Variants in CORO7 observed in about 807,000 individuals in gnomAD.
The protein encoded by CORO7 is coronin-7.
A neutral mutation model predicts 126.6 loss-of-function variants in CORO7; 107 were observed. The ratio of observed to expected loss-of-function variants is 0.85; its 90% CI spans 0.72 to 0.99. The LOEUF (loss-of-function observed/expected upper bound fraction) is 0.99, where lower values mean the gene tolerates loss of function less well. CORO7 is among the 50% of genes least tolerant of loss of function. The pLI is 0.00. For missense variants in CORO7, 1,314 were observed against 1,255.8 expected (o/e 1.05, Z -0.70); for synonymous variants, 603 against 536.8 (o/e 1.12, Z -1.70).
At chr16:4,399,198 C>T (rs2055711632) in intron 6 of CORO7, among the ~76,000 whole-genome samples, 1 of 152,198 alleles carries the variant, frequency 6.6e-6, no homozygotes, top group African/African-American at 2.4e-5. Flanking sequence ...ATGTTCATAG[C>T]AGCACTACTC....
chr16:4,355,699 G>A (rs1314950933), intron 26 of CORO7: 1 of 265,118 alleles, frequency 3.8e-6, no homozygotes, highest in Non-Finnish European at 7.4e-6. Context: ...TCGATCTCCT[G>A]ACCTCGTGAT....
At chr16:4,376,224 G>A (rs1280653701) in intron 9 of CORO7, among the ~76,000 whole-genome samples, 2 of 152,198 alleles carry the variant, frequency 1.3e-5, no homozygotes, top group African/African-American at 4.8e-5. Flanking sequence ...AGGAAGGGGA[G>A]ACGGGGCGGA....
Position 4,362,568 on chromosome 16 carries a change from A to G in CORO7, c.1402+44T>C. ...GAGGATGACGGGGAGTGGGGCAGAC[A>G]GGGCTCCTGCGGTAGGGGTGAGCTC... On this transcript the variant is annotated intron_variant, in intron 15 of 27. Transcript: ENST00000251166. The surrounding 1 kb of genome is among the most constrained non-coding windows in gnomAD (Gnocchi z 5.3). 1 of 1,501,988 alleles carries G rather than the reference A, an allele frequency of 6.7e-7. No homozygotes were observed. 93.0% of individuals were successfully genotyped at this position (1,501,988 alleles called of 1,614,324 possible). A position where few individuals can be genotyped will look rare whatever the true frequency, so the allele number is the denominator to read the frequency against.
At chr16:4,390,163 G>T (rs544932675) in intron 7 of CORO7, among the ~76,000 whole-genome samples, 1 of 152,184 alleles carries the variant, frequency 6.6e-6, no homozygotes, top group African/African-American at 2.4e-5. Context: ...TGGGGGAGCC[G>T]CACGGTGTTA....
chr16:4,368,420 G>A (rs1206337050), intron 9 of CORO7, among the ~76,000 whole-genome samples: 4 of 151,952 alleles, frequency 2.6e-5, no homozygotes, highest in African/African-American at 9.7e-5. Context: ...GGCTGAGGCA[G>A]GAGGGTCACT....
At chr16:4,374,680 C>T (rs529834867) in intron 9 of CORO7, among the ~76,000 whole-genome samples, 1 of 152,208 alleles carries the variant, frequency 6.6e-6, no homozygotes, top group Admixed American at 6.5e-5. Flanking sequence ...CTGAATCCAT[C>T]CCGCCTGCCC....
intron 21 of CORO7, 53 bp from the exon 22 acceptor site, chr16:4,359,674 G>A (rs779222548): frequency 6.5e-7 from 1 of 1,540,264 alleles, no homozygotes; most frequent in Non-Finnish European, 8.7e-7. Flanking sequence ...AAGGGGCCTG[G>A]GGCAGGGAGA....
intron 26 of CORO7, 183 bp from the exon 27 acceptor site, chr16:4,355,555 G>A: frequency 1.6e-6 from 1 of 640,852 alleles, no homozygotes; most frequent in Non-Finnish European, 2.7e-6. Context: ...TGCAAGCTCT[G>A]CCTCCCGGGT....
intron 9 of CORO7, among the ~76,000 whole-genome samples, chr16:4,370,971 G>A (rs980108984): frequency 2.0e-5 from 3 of 152,242 alleles, no homozygotes; most frequent in African/African-American, 4.8e-5. Context: ...AGGGGGAGGA[G>A]GGCAGAGTGT....
At position 4,366,069 on chromosome 16, in the gene CORO7, C is replaced by T. The variant is rs890322360; in HGVS notation, c.786-524G>A. 1.2e-4 allele frequency among the ~76,000 whole-genome samples: 18 copies of T among 152,204 alleles called. 1 individual carries two copies. The highest frequency in any genetic ancestry group is 2.9e-5 in the Non-Finnish European group (2 of 68,030). On this transcript the variant is annotated intron_variant, in intron 9 of 27. Transcript: ENST00000251166. ...CTCAGTTACCCCACGTTTCCTGTGCCTCAGTGATATCTTGGAAGCTCAGAG... is the reference window on the plus strand; with the variant it reads ...CTCAGTTACCCCACGTTTCCTGTGCTTCAGTGATATCTTGGAAGCTCAGAG...
At chr16:4,355,621 A>C in intron 26 of CORO7, 1 of 465,038 alleles carries the variant, frequency 2.2e-6, no homozygotes, top group Non-Finnish European at 3.9e-6. Flanking sequence ...GGCGCCCACC[A>C]CCATGCCCGG....
chr16:4,372,121 A>G (rs886858), intron 9 of CORO7: 117,213 of 151,490 alleles, frequency 0.77, 45,593 homozygotes, highest in East Asian at 0.81. Context: ...CCCCAGCCCC[A>G]CACGGTCACC....
chr16:4,362,311 C>A lies in CORO7; in HGVS notation c.1403-151G>T. 1 of 1,208,600 alleles carries A rather than the reference C, an allele frequency of 8.3e-7. No individual in the cohort carries two copies. Among genetic ancestry groups the A allele is most frequent in the South Asian group, 1.7e-5 (1 of 60,596 alleles). The allele number at this position is 1,208,600 out of a possible 1,614,324, so 74.9% of individuals were successfully genotyped here. ...GCCTTTGCTAATCCAGTGGATGCAA[C>A]TCGCCCAGGAATAATGTCTGGAATG... On this transcript the variant is annotated intron_variant, in intron 15 of 27. Transcript: ENST00000251166. This position sits in a 1 kb window ranked among gnomAD's most constrained non-coding sequence, Gnocchi z 5.3.
At chr16:4,359,916 C>A in intron 21 of CORO7, among the ~76,000 whole-genome samples, 1 of 145,356 alleles carries the variant, frequency 6.9e-6, no homozygotes, top group Non-Finnish European at 1.5e-5. Context: ...ACCCCTCACC[C>A]ACCCCTCTAT....
intron 1 of CORO7, chr16:4,415,987 T>A (rs2056396251): frequency 3.1e-6 from 2 of 643,668 alleles, no homozygotes; most frequent in Non-Finnish European, 3.9e-6. Flanking sequence ...TCCCCACCAC[T>A]GACACACTTG....
Position 4,362,525 on chromosome 16 carries a change from C to A in CORO7, c.1402+87G>T. The A allele has an allele frequency of 6.8e-7, 1 of 1,471,554 alleles. No homozygotes were observed. The allele number at this position is 1,471,554 out of a possible 1,614,324, so 91.2% of individuals were successfully genotyped here. A position where few individuals can be genotyped will look rare whatever the true frequency, so the allele number is the denominator to read the frequency against. On this transcript the variant is annotated intron_variant, in intron 15 of 27. Coordinates refer to ENST00000251166, the MANE Select transcript of CORO7 (RefSeq NM_024535.5). This position sits in a 1 kb window ranked among gnomAD's most constrained non-coding sequence, Gnocchi z 5.3. The stretch of plus-strand genomic sequence containing the variant: ...GGGTGCCCTGCATGAGGCCTGTGCT[C>A]AGCAGTAGGGTACACAGGAGGATGA...
At chr16:4,358,154 C>T in intron 24 of CORO7, 51 bp from the exon 25 acceptor site, 1 of 1,584,032 alleles carries the variant, frequency 6.3e-7, no homozygotes, top group East Asian at 2.3e-5. Context: ...GTGCCCAGGG[C>T]ACACGGGCAT....
chr16:4,357,460 AG>A (rs2054014272), intron 25 of CORO7: 1 of 542,714 alleles, frequency 1.8e-6, no homozygotes, highest in Non-Finnish European at 3.1e-6. Flanking sequence ...TCTGGGTTCA[AG>A]CGATTCTCCT....
chr16:4,379,310 G>A (rs975477322), intron 9 of CORO7, among the ~76,000 whole-genome samples: 2 of 152,080 alleles, frequency 1.3e-5, no homozygotes, highest in African/African-American at 2.4e-5. Context: ...GACTTCTAGG[G>A]GTGCCAAAGT....
Sources: allele counts gnomAD v4.1 joint callset (sites outside exome capture counted in the v4.1 genomes callset), GRCh38; gene constraint gnomAD v4.1.1; non-coding constraint Gnocchi (gnomAD v3.1); transcripts MANE v1.5; gene names NCBI Gene and HGNC (gene_info 2026-07-23, HGNC 2026-07-21).